The following PRKCG variants were observed in gnomAD, a reference collection of about 807,000 sequenced individuals.
The protein encoded by PRKCG is protein kinase C gamma type.
A neutral mutation model predicts 82.0 loss-of-function variants in PRKCG; 28 were observed. The ratio of observed to expected loss-of-function variants is 0.34; its 90% CI spans 0.25 to 0.47. The LOEUF is 0.47. Among genes scored for constraint, PRKCG ranks in the 20% least tolerant of loss-of-function variants. PRKCG has a pLI of 1.00. For synonymous variants in PRKCG, 383 were observed against 376.6 expected, an observed-to-expected ratio of 1.02 and a Z score of -0.20; for missense variants, 640 against 952.7, an observed-to-expected ratio of 0.67 and a Z score of 4.32.
Position 53,882,235 on chromosome 19 carries a change from G to A in PRKCG, c.-260G>A, listed in dbSNP as rs909407651. ...TGCCGGAGCTGGAGCTCCCACCGCCGCCGCCCGTGCCTCCGGCTGCCGGCG... is the reference window on the plus strand; with the variant it reads ...TGCCGGAGCTGGAGCTCCCACCGCCACCGCCCGTGCCTCCGGCTGCCGGCG... On this transcript the variant is annotated 5_prime_UTR_variant, in exon 1 of 18. Coordinates refer to ENST00000263431, the MANE Select transcript of PRKCG (RefSeq NM_002739.5). The surrounding 1 kb of genome is among the most constrained non-coding windows in gnomAD (Gnocchi z 6.1). 3.8e-6 allele frequency: 2 copies of A among 526,074 alleles called. No homozygotes were observed. Among genetic ancestry groups the A allele is most frequent in the Admixed American group, 3.1e-5 (1 of 32,528 alleles). 32.6% of individuals were successfully genotyped at this position (526,074 alleles called of 1,614,324 possible). A position where few individuals can be genotyped will look rare whatever the true frequency, so the allele number is the denominator to read the frequency against.
chr19:53,894,515 A>G (rs1484542889), intron 9 of PRKCG, among the ~76,000 whole-genome samples: 2 of 150,080 alleles, frequency 1.3e-5, no homozygotes, highest in Non-Finnish European at 3.0e-5. Context: ...GTTGGAGTGC[A>G]GTGATGCAGT....
chr19:53,900,397 C>A lies in PRKCG; in HGVS notation c.1374-22C>A, dbSNP rs372113458. On this transcript the variant is annotated intron_variant, in intron 12 of 17. Transcript: ENST00000263431. This position sits in a 1 kb window ranked among gnomAD's most constrained non-coding sequence, Gnocchi z 4.2. ...GATCCAGCCACTGACCTTCTGACGT[C>A]CCCACCCACCCCGTCCTCCAGGTTC... The A allele has an allele frequency of 1.1e-5, 17 of 1,613,994 alleles. No homozygotes were observed. The highest frequency in any genetic ancestry group is 1.3e-5 in the Non-Finnish European group (15 of 1,180,024).
intron 3 of PRKCG, among the ~76,000 whole-genome samples, chr19:53,888,204 A>G (rs1483652544): frequency 6.6e-6 from 1 of 152,200 alleles, no homozygotes; most frequent in African/African-American, 2.4e-5. Flanking sequence ...AGCCCAGCAC[A>G]TTGAAAAGGA....
chr19:53,891,580 C>T, intron 5 of PRKCG, 94 bp from the exon 6 acceptor site: 2 of 1,529,484 alleles, frequency 1.3e-6, no homozygotes, highest in Non-Finnish European at 1.8e-6. Flanking sequence ...CCGTGCCTGG[C>T]CAAGCTTGGA....
Position 53,892,669 on chromosome 19 carries a change from G to T in PRKCG, c.821+26G>T. On this transcript the variant is annotated intron_variant, in intron 7 of 17. Transcript: ENST00000263431. This position sits in a 1 kb window ranked among gnomAD's most constrained non-coding sequence, Gnocchi z 5.9. Reference sequence around the variant, plus strand: ...GTGAGGAGCAGGGCTGGGGCCTGGGGATGGAGCGCAATATTACCATCTCCA... The same window carrying T: ...GTGAGGAGCAGGGCTGGGGCCTGGGTATGGAGCGCAATATTACCATCTCCA... 6.2e-7 allele frequency: 1 copy of T among 1,604,986 alleles called. No individual in the cohort carries two copies. The highest frequency in any genetic ancestry group is 1.1e-5 in the South Asian group (1 of 90,868).
intron 17 of PRKCG, 38 bp from the exon 18 acceptor site, chr19:53,906,669 G>T: frequency 1.2e-6 from 2 of 1,606,864 alleles, no homozygotes; most frequent in Non-Finnish European, 1.7e-6. Flanking sequence ...AGGAGCCCTC[G>T]GAGCTGCTTA....
rs764921206 is a variant in PRKCG, at chr19:53,904,709, G to A, written c.1731G>A (p.Ser577=). ...AACAAACTGTCACCTACCCCAAGTC[G>A]CTTTCCCGGGAAGCCGTGGCCATCT... ...IMEQTVTYPK[S]LSREAVAICK... The change falls in exon 16 of 18, where the codon TCG becomes TCA. Residue 577 remains serine (S), a synonymous_variant. Transcript: ENST00000263431. The A allele has an allele frequency of 3.1e-6, 5 of 1,613,760 alleles. No individual in the cohort carries two copies. Among genetic ancestry groups the A allele is most frequent in the African/African-American group, 2.7e-5 (2 of 74,930 alleles).
chr19:53,904,529 C>T (rs562442324), intron 15 of PRKCG, 106 bp from the exon 16 acceptor site: 37 of 879,868 alleles, frequency 4.2e-5, no homozygotes, highest in South Asian at 8.5e-5. Flanking sequence ...GCATGTGGGG[C>T]GTGTGATGGG....
At chr19:53,890,494 G>A (rs1345577473) in intron 5 of PRKCG, among the ~76,000 whole-genome samples, 1 of 151,950 alleles carries the variant, frequency 6.6e-6, no homozygotes, top group Non-Finnish European at 1.5e-5. Flanking sequence ...CTGACCCCAG[G>A]TGATCCCCTC....
chr19:53,887,870 G>A (rs929764208), intron 3 of PRKCG, among the ~76,000 whole-genome samples: 1 of 151,354 alleles, frequency 6.6e-6, no homozygotes, highest in Admixed American at 6.6e-5. Context: ...ATCAAGATTT[G>A]GCAAGAATGA....
chr19:53,890,399 G>A (rs1291339958), intron 5 of PRKCG, among the ~76,000 whole-genome samples: 1 of 151,638 alleles, frequency 6.6e-6, no homozygotes, highest in East Asian at 1.9e-4. Flanking sequence ...TGGGATTACA[G>A]GCGCGTGTCA....
rs2123002037 is a variant in PRKCG, at chr19:53,894,767, C to G, written c.939+1376C>G. Among the ~76,000 whole-genome samples, 3 of 152,344 alleles carry G rather than the reference C, an allele frequency of 2.0e-5. 1 individual carries two copies. The highest frequency in any genetic ancestry group is 2.0e-4 in the Admixed American group (3 of 15,306). ...GAGCGACCACGCCCAGACGAATACC[C>G]ATTTTCTAGGGTGTCATAAGCCAGG... On this transcript the variant is annotated intron_variant, in intron 9 of 17. Transcript: ENST00000263431.
At chr19:53,894,440 C>A (rs1195604202) in intron 9 of PRKCG, among the ~76,000 whole-genome samples, 1 of 150,870 alleles carries the variant, frequency 6.6e-6, no homozygotes, top group Non-Finnish European at 1.5e-5. Context: ...CACTGAATAT[C>A]CTTCTTTTTC....
At position 53,884,231 on chromosome 19, in the gene PRKCG, C is replaced by T. The variant is rs1173451002; in HGVS notation, c.273C>T (p.Gly91=). ...TCGAGTGTCCAGGCGCTGGGAAGGGCCCCCAGACGGACGTGAGTGCTCGGA... is the reference window on the plus strand; with the variant it reads ...TCGAGTGTCCAGGCGCTGGGAAGGGTCCCCAGACGGACGTGAGTGCTCGGA... ...VTFECPGAGK[G]PQTDDPRNKH... Residue 91 remains glycine, a synonymous_variant, in exon 3 of 18, where the codon GGC becomes GGT. Coordinates refer to ENST00000263431, the MANE Select transcript of PRKCG (RefSeq NM_002739.5). The surrounding 1 kb of genome is among the most constrained non-coding windows in gnomAD (Gnocchi z 4.6). The T allele has an allele frequency of 2.5e-6, 4 of 1,613,752 alleles. No homozygotes were observed. The highest frequency in any genetic ancestry group is 2.2e-5 in the East Asian group (1 of 44,888).
In PRKCG at chr19:53,889,860, GT is replaced by G; in HGVS notation, c.398-25del. The G allele has an allele frequency of 6.4e-7, 1 of 1,573,500 alleles. No individual in the cohort carries two copies. Among genetic ancestry groups the G allele is most frequent in the Non-Finnish European group, 8.6e-7 (1 of 1,160,174 alleles). ...TCTTGGCTTGGGGGCGGGGCCTGAG[GT>G]GCTACCCGCAGCTTTCCCCTCCAGG... On this transcript the variant is annotated intron_variant, in intron 4 of 17. Coordinates refer to ENST00000263431, the MANE Select transcript of PRKCG (RefSeq NM_002739.5). The surrounding 1 kb of genome is among the most constrained non-coding windows in gnomAD (Gnocchi z 4.4).
chr19:53,906,025 CCCTCCT>C (rs371426657), intron 16 of PRKCG, among the ~76,000 whole-genome samples: 45 of 79,594 alleles, frequency 5.7e-4, no homozygotes, highest in Non-Finnish European at 8.1e-4. Flanking sequence ...CTGTCTGTCT[CCCTCCT>C]CCTCCTCCTC....
chr19:53,902,030 C>T (rs995062755), intron 14 of PRKCG, among the ~76,000 whole-genome samples: 2 of 152,082 alleles, frequency 1.3e-5, no homozygotes, highest in African/African-American at 4.8e-5. Flanking sequence ...GTAGTCCCAG[C>T]TACTTGGGAG....
In PRKCG at chr19:53,901,008, C is replaced by T. The variant is rs78614785; in HGVS notation, c.1575+259C>T. On this transcript the variant is annotated intron_variant, in intron 14 of 17. Coordinates refer to ENST00000263431, the MANE Select transcript of PRKCG (RefSeq NM_002739.5). Reference sequence around the variant, plus strand: ...ATGTTCCAGGAGAGTGGGACCAGCTCGTAGGAATTCCAAGTAGGACCTGAC... The same window carrying T: ...ATGTTCCAGGAGAGTGGGACCAGCTTGTAGGAATTCCAAGTAGGACCTGAC... 4.6e-3 allele frequency among the ~76,000 whole-genome samples: 696 copies of T among 152,236 alleles called. 6 individuals are homozygous for T. Among genetic ancestry groups the T allele is most frequent in the African/African-American group, 0.014 (586 of 41,542 alleles).
Position 53,907,120 on chromosome 19 carries a change from A to G in PRKCG, c.*225A>G. The G allele has an allele frequency of 9.6e-7, 1 of 1,040,864 alleles. No individual in the cohort carries two copies. Among genetic ancestry groups the G allele is most frequent in the Non-Finnish European group, 1.4e-6 (1 of 732,084 alleles). 64.5% of individuals were successfully genotyped at this position (1,040,864 alleles called of 1,614,324 possible). On this transcript the variant is annotated 3_prime_UTR_variant, in exon 18 of 18. Transcript: ENST00000263431. ...GCGTTCAAGACTTGAGCGGAGCCCG[A>G]TATTCTCCCTGACCTTAGCGTTCTG...
Sources: gnomAD v4.1 joint callset for allele counts (sites outside exome capture counted in the v4.1 genomes callset) on GRCh38, gnomAD v4.1.1 for gene constraint, Gnocchi (gnomAD v3.1) non-coding constraint, MANE v1.5 for transcripts, NCBI Gene and HGNC (gene_info 2026-07-23, HGNC 2026-07-21) for gene names.